The following RPS6KC1 variants were observed in gnomAD, a reference collection of about 807,000 sequenced individuals.
RPS6KC1 encodes the protein ribosomal protein S6 kinase C1.
A neutral mutation model predicts 103.8 loss-of-function variants in RPS6KC1; 54 were observed. That is an observed-to-expected ratio of 0.52 (90% CI 0.42 to 0.65). The LOEUF (loss-of-function observed/expected upper bound fraction) is 0.65, where lower values mean the gene tolerates loss of function less well. RPS6KC1 is among the 30% of genes least tolerant of loss of function. The pLI, the probability that RPS6KC1 is intolerant of heterozygous loss-of-function variation, is 0.00. For synonymous variants in RPS6KC1, 439 were observed against 438.7 expected (o/e 1.00, Z -0.01); for missense variants, 1,151 against 1,253.8 (o/e 0.92, Z 1.24).
At chr1:213,128,556 T>C (rs895921979) in intron 5 of RPS6KC1, among the ~76,000 whole-genome samples, 5 of 152,200 alleles carry the variant, frequency 3.3e-5, no homozygotes, top group African/African-American at 1.2e-4. Context: ...TTATATGAAC[T>C]AGGAGAAGGA....
intron 6 of RPS6KC1, among the ~76,000 whole-genome samples, chr1:213,137,799 A>ATATATTT (rs1572765998): frequency 1.4e-4 from 2 of 13,984 alleles, no homozygotes; most frequent in African/African-American, 1.8e-4. Context: ...ATATATATAT[A>ATATATTT]TTTTTTTTTT....
intron 14 of RPS6KC1, among the ~76,000 whole-genome samples, chr1:213,271,635 G>A (rs1045978660): frequency 4.6e-5 from 7 of 152,004 alleles, no homozygotes; most frequent in East Asian, 1.9e-4. Flanking sequence ...ATGGTGGCGC[G>A]CGCCTGTAGT....
chr1:213,314,701 G>T, the RPS6KC1 span, among the ~76,000 whole-genome samples: 1 of 149,284 alleles, frequency 6.7e-6, no homozygotes, highest in East Asian at 2.0e-4. Context: ...TAGCAGCAAT[G>T]AAAATACTTT....
At chr1:213,753,800 C>T in the RPS6KC1 span, among the ~76,000 whole-genome samples, 2 of 152,206 alleles carry the variant, frequency 1.3e-5, no homozygotes, top group African/African-American at 2.4e-5. Flanking sequence ...ACTAAGCATT[C>T]GTAGGTGCTC....
At chr1:213,396,925 G>C in the RPS6KC1 span, among the ~76,000 whole-genome samples, 3 of 152,202 alleles carry the variant, frequency 2.0e-5, no homozygotes, top group African/African-American at 7.2e-5. Flanking sequence ...GCTCCACGAT[G>C]GCCAGGGTGT....
intron 14 of RPS6KC1, among the ~76,000 whole-genome samples, chr1:213,268,405 T>G (rs934597603): frequency 5.3e-5 from 8 of 151,772 alleles, no homozygotes; most frequent in Non-Finnish European, 1.0e-4. Context: ...CAGAACTGCC[T>G]TACAAGAAAT....
chr1:213,408,303 C>A, the RPS6KC1 span, among the ~76,000 whole-genome samples: 2 of 152,206 alleles, frequency 1.3e-5, no homozygotes, highest in Non-Finnish European at 2.9e-5. Flanking sequence ...TGCTGATGGG[C>A]AAGGTTGGTG....
chr1:213,826,644 C>G, the RPS6KC1 span, among the ~76,000 whole-genome samples: 1 of 152,174 alleles, frequency 6.6e-6, no homozygotes, highest in African/African-American at 2.4e-5. Flanking sequence ...CTTCTAAGGT[C>G]AGGGCCTGCT....
chr1:213,663,418 T>C, the RPS6KC1 span, among the ~76,000 whole-genome samples: 1 of 152,182 alleles, frequency 6.6e-6, no homozygotes, highest in African/African-American at 2.4e-5. Flanking sequence ...TGGACTGGAA[T>C]TGAGAACTCA....
chr1:213,861,791 C>G, the RPS6KC1 span, among the ~76,000 whole-genome samples: 1 of 152,186 alleles, frequency 6.6e-6, no homozygotes, highest in Non-Finnish European at 1.5e-5. Flanking sequence ...ATTTTACTGT[C>G]CAGTCGTATC....
At chr1:213,163,605 T>G (rs2090684253) in intron 6 of RPS6KC1, among the ~76,000 whole-genome samples, 1 of 152,184 alleles carries the variant, frequency 6.6e-6, no homozygotes, top group Non-Finnish European at 1.5e-5. Context: ...AGAGTAGAAT[T>G]GAAAGAACCG....
chr1:213,447,500 G>A, the RPS6KC1 span, among the ~76,000 whole-genome samples: 3 of 152,122 alleles, frequency 2.0e-5, no homozygotes, highest in Admixed American at 6.5e-5. Flanking sequence ...ATTTTTAAGC[G>A]GACATTTTAC....
downstream of RPS6KC1, among the ~76,000 whole-genome samples, chr1:213,277,042 C>G (rs1271254624): frequency 1.3e-5 from 2 of 152,174 alleles, no homozygotes; most frequent in African/African-American, 4.8e-5. Flanking sequence ...CTCTACCAGT[C>G]TAGGTAATTT....
At chr1:213,163,160 G>A (rs2090638202) in intron 6 of RPS6KC1, among the ~76,000 whole-genome samples, 1 of 152,164 alleles carries the variant, frequency 6.6e-6, no homozygotes, top group African/African-American at 2.4e-5. Context: ...GCCATCTCAA[G>A]TGTGAGTTTT....
the RPS6KC1 span, among the ~76,000 whole-genome samples, chr1:213,640,725 T>A: frequency 6.6e-6 from 1 of 151,974 alleles, no homozygotes; most frequent in African/African-American, 2.4e-5. Context: ...ATTTCTAGTA[T>A]AATTTCATCA....
chr1:213,627,811 T>A, the RPS6KC1 span, among the ~76,000 whole-genome samples: 1 of 152,244 alleles, frequency 6.6e-6, no homozygotes, highest in South Asian at 2.1e-4. Context: ...GATGTGCTGC[T>A]GGATTCAGTT....
the RPS6KC1 span, among the ~76,000 whole-genome samples, chr1:213,804,244 A>G: frequency 1.3e-5 from 2 of 151,512 alleles, no homozygotes; most frequent in Non-Finnish European, 2.9e-5. Context: ...GCTCCAGAGA[A>G]CACAATCAGG....
chr1:213,303,851 C>A, the RPS6KC1 span, among the ~76,000 whole-genome samples: 1 of 151,824 alleles, frequency 6.6e-6, no homozygotes, highest in African/African-American at 2.4e-5. Flanking sequence ...ATAAAACATC[C>A]CCTCAATAGA....
At chr1:213,141,823 C>CTT (rs796096838) in intron 6 of RPS6KC1, among the ~76,000 whole-genome samples, 10 of 144,982 alleles carry the variant, frequency 6.9e-5, no homozygotes, top group Admixed American at 6.3e-4. Flanking sequence ...TATGTCGTAT[C>CTT]TTTTTTTTTT....
Sources: gnomAD v4.1 joint callset for allele counts (sites outside exome capture counted in the v4.1 genomes callset) on GRCh38, gnomAD v4.1.1 for gene constraint, MANE v1.5 for transcripts, NCBI Gene and HGNC (gene_info 2026-07-23, HGNC 2026-07-21) for gene names.